Variants in HSF2 observed in about 807,000 individuals in gnomAD.
The protein encoded by HSF2 is heat shock transcription factor 2.
A neutral mutation model predicts 65.0 loss-of-function variants in HSF2; 21 were observed. The ratio of observed to expected loss-of-function variants is 0.32; its 90% CI spans 0.23 to 0.47. The LOEUF is 0.47. Among genes scored for constraint, HSF2 ranks in the 20% least tolerant of loss-of-function variants. The pLI is 1.00. For synonymous variants in HSF2, 225 were observed against 219.1 expected, an observed-to-expected ratio of 1.03 and a Z score of -0.24; for missense variants, 499 against 628.1, an observed-to-expected ratio of 0.79 and a Z score of 2.20.
intron 7 of HSF2, among the ~76,000 whole-genome samples, chr6:122,420,738 A>ATTT (rs1562203810): frequency 1.2e-4 from 10 of 84,296 alleles, no homozygotes; most frequent in East Asian, 3.4e-4. Context: ...TTGAGATGGG[A>ATTT]TTTCACTCTG....
At chr6:122,403,063 C>T (rs972902403) in intron 1 of HSF2, among the ~76,000 whole-genome samples, 56 of 149,716 alleles carry the variant, frequency 3.7e-4, no homozygotes, top group African/African-American at 1.4e-3. Context: ...GAGTGTAAGG[C>T]AAGGGAAAAA....
chr6:122,412,328 G>A (rs2114432262), intron 1 of HSF2, 45 bp from the exon 2 acceptor site: 2 of 1,127,530 alleles, frequency 1.8e-6, no homozygotes, highest in East Asian at 2.3e-5. Flanking sequence ...ATGTGTCATA[G>A]GAACTTAACT....
chr6:122,427,100 C>A (rs777843168), intron 10 of HSF2, among the ~76,000 whole-genome samples: 1 of 151,886 alleles, frequency 6.6e-6, no homozygotes, highest in African/African-American at 2.4e-5. Flanking sequence ...TCCTCCCTTC[C>A]CATTGTCTTA....
rs774876294 is a variant in HSF2, at chr6:122,416,217, A to T, written c.456-4A>T. 11 of 1,580,144 alleles carry T rather than the reference A, an allele frequency of 7.0e-6. No homozygotes were observed. In the South Asian group the frequency reaches 1.0e-4, roughly 14 times the overall value. On this transcript the variant is annotated splice_polypyrimidine_tract_variant and splice_region_variant and intron_variant, in intron 4 of 12. Coordinates refer to ENST00000368455, the MANE Select transcript of HSF2 (RefSeq NM_004506.4). The stretch of plus-strand genomic sequence containing the variant: ...GTTTTGTTGCTTAATAAATTATAAC[A>T]TAGTGAGAATGAGTCCCTTTGGAAG...
chr6:122,429,291 T>G (rs1248341342), intron 11 of HSF2, among the ~76,000 whole-genome samples: 8 of 152,088 alleles, frequency 5.3e-5, no homozygotes, highest in Admixed American at 1.3e-4. Context: ...CATTGAGTCC[T>G]TATTTGTGGA....
intron 11 of HSF2, among the ~76,000 whole-genome samples, chr6:122,430,194 G>C (rs1055265747): frequency 6.6e-6 from 1 of 152,072 alleles, no homozygotes. Context: ...ACTTGTTATT[G>C]GTCTATTCAG....
chr6:122,421,379 C>T (rs2114446613), intron 7 of HSF2, among the ~76,000 whole-genome samples: 1 of 151,952 alleles, frequency 6.6e-6, no homozygotes, highest in Admixed American at 6.6e-5. Flanking sequence ...GATTTCTTTT[C>T]CCTCTACTGT....
In HSF2 at chr6:122,423,530, A is replaced by G. The variant is rs372188108; in HGVS notation, c.1071-51A>G. ...CAAGTTGTAATGGTGATTTTTAAACATAAAAACAAGGATATCTAATATTTG... is the reference window on the plus strand; with the variant it reads ...CAAGTTGTAATGGTGATTTTTAAACGTAAAAACAAGGATATCTAATATTTG... On this transcript the variant is annotated intron_variant, in intron 9 of 12. Coordinates refer to ENST00000368455, the MANE Select transcript of HSF2 (RefSeq NM_004506.4). 1.6e-5 allele frequency: 16 copies of G among 976,998 alleles called. 1 individual carries two copies. The African/African-American group carries it at 1.7e-4, about 10-fold the overall frequency. The allele number at this position is 976,998 out of a possible 1,614,324, so 60.5% of individuals were successfully genotyped here.
At chr6:122,400,004 C>T (rs1046894321) in intron 1 of HSF2, among the ~76,000 whole-genome samples, 174 bp downstream of exon 1, 4 of 152,082 alleles carry the variant, frequency 2.6e-5, no homozygotes, top group South Asian at 2.1e-4. Flanking sequence ...CTCGGGGAGC[C>T]GCGGGGGCCC....
intron 1 of HSF2, among the ~76,000 whole-genome samples, chr6:122,402,690 T>G (rs1337050587): frequency 6.6e-6 from 1 of 152,014 alleles, no homozygotes; most frequent in East Asian, 1.9e-4. Context: ...GTAGTTGTGA[T>G]TACAGATGCG....
At position 122,404,647 on chromosome 6, in the gene HSF2, A is replaced by AT. The variant is rs1773822963; in HGVS notation, c.93+4820dup. On this transcript the variant is annotated intron_variant, in intron 1 of 12. Transcript: ENST00000368455. ...TTCTACTCTTTGGACTCTTGCCAAC[A>AT]TTTGTGGGTAAGGTTTAAGGAGAAG... is the stretch of plus-strand genomic sequence containing the variant. Among the ~76,000 whole-genome samples the AT allele has an allele frequency of 2.0e-5, 3 of 152,288 alleles. No individual in the cohort carries two copies. In the South Asian group the frequency reaches 6.2e-4, roughly 32 times the overall value.
chr6:122,413,418 T>C (rs948723864), intron 3 of HSF2, 107 bp from the exon 4 acceptor site: 1 of 744,286 alleles, frequency 1.3e-6, no homozygotes, highest in Non-Finnish European at 2.2e-6. Flanking sequence ...TGGAACCAGA[T>C]CTCACTTCCT....
intron 1 of HSF2, among the ~76,000 whole-genome samples, chr6:122,411,602 A>G (rs1030612774): frequency 2.6e-5 from 4 of 151,748 alleles, no homozygotes; most frequent in Non-Finnish European, 5.9e-5. Context: ...GTTAGTTTTT[A>G]TATATGTTAT....
chr6:122,409,767 G>A (rs1773948550), intron 1 of HSF2, among the ~76,000 whole-genome samples: 1 of 151,948 alleles, frequency 6.6e-6, no homozygotes, highest in Admixed American at 6.6e-5. Flanking sequence ...AGAGTAGGAA[G>A]CTAGCAGTCT....
At chr6:122,420,290 C>A in intron 7 of HSF2, 68 bp downstream of exon 7, 2 of 1,241,408 alleles carry the variant, frequency 1.6e-6, no homozygotes, top group Non-Finnish European at 2.3e-6. Context: ...GGCAGTGTTT[C>A]ATGCATTCAA....
At chr6:122,427,169 C>T (rs866492749) in intron 10 of HSF2, among the ~76,000 whole-genome samples, 37 of 151,954 alleles carry the variant, frequency 2.4e-4, no homozygotes, top group Admixed American at 1.4e-3. Context: ...TATATCTGAA[C>T]GTGTGTTGCT....
intron 1 of HSF2, among the ~76,000 whole-genome samples, chr6:122,400,235 G>C (rs1016262628): frequency 1.3e-5 from 2 of 152,124 alleles, no homozygotes; most frequent in African/African-American, 2.4e-5. Context: ...GGGACAGGGA[G>C]CCCAGGGCCA....
At chr6:122,427,822 A>T (rs1045832391) in intron 10 of HSF2, 81 bp from the exon 11 acceptor site, 1 of 945,666 alleles carries the variant, frequency 1.1e-6, no homozygotes, top group Non-Finnish European at 1.6e-6. Flanking sequence ...TCTTCACCCA[A>T]CATGGCTGTA....
intron 10 of HSF2, among the ~76,000 whole-genome samples, chr6:122,425,651 ATCT>A (rs1325962950): frequency 1.3e-5 from 2 of 151,812 alleles, no homozygotes; most frequent in South Asian, 2.1e-4. Flanking sequence ...TGTCTCCCTA[ATCT>A]TCTCTGTTTT....
Sources: gnomAD v4.1 joint callset for allele counts (sites outside exome capture counted in the v4.1 genomes callset) on GRCh38, gnomAD v4.1.1 for gene constraint, MANE v1.5 for transcripts, NCBI Gene and HGNC (gene_info 2026-07-23, HGNC 2026-07-21) for gene names.